The following GFRA1 variants were observed in gnomAD, a reference collection of about 807,000 sequenced individuals.
The protein encoded by GFRA1 is GDNF family receptor alpha 1.
In GFRA1, 16 loss-of-function variants were observed where a neutral mutation model predicts 51.6. That is an observed-to-expected ratio of 0.31 (90% confidence interval 0.21 to 0.47). The LOEUF is 0.47. GFRA1 is among the 20% of genes least tolerant of loss of function. The pLI, the probability that GFRA1 is intolerant of heterozygous loss-of-function variation, is 1.00. For synonymous variants in GFRA1, 270 were observed against 241.3 expected, an observed-to-expected ratio of 1.12 and a Z score of -1.10; for missense variants, 530 against 594.3, an observed-to-expected ratio of 0.89 and a Z score of 1.13.
At chr10:116,182,328 TAC>T (rs1298546143) in intron 5 of GFRA1, among the ~76,000 whole-genome samples, 1 of 152,174 alleles carries the variant, frequency 6.6e-6, no homozygotes, top group African/African-American at 2.4e-5. Flanking sequence ...CCAGAAACCA[TAC>T]AAAGAAAACA....
chr10:116,086,913 G>T (rs971136590), intron 9 of GFRA1, among the ~76,000 whole-genome samples: 2 of 152,210 alleles, frequency 1.3e-5, no homozygotes, highest in Admixed American at 6.5e-5. Flanking sequence ...CGCCTCCAGG[G>T]TTCAAGGGAT....
chr10:116,154,249 G>A lies in GFRA1; in HGVS notation c.434-28692C>T, dbSNP rs556160640. 1.2e-4 allele frequency among the ~76,000 whole-genome samples: 18 copies of A among 152,248 alleles called. No individual in the cohort carries two copies. The South Asian group carries it at 2.3e-3, about 19-fold the overall frequency. ...TTACTCAACAGGAATGTGTCTATAC[G>A]TTCACCAAAAGACACAAATGAGAAT... On this transcript the variant is annotated intron_variant, in intron 5 of 10. Transcript: ENST00000355422.
Position 116,081,069 on chromosome 10 carries a change from T to C in GFRA1, c.1197+8672A>G, listed in dbSNP as rs1167007181. On this transcript the variant is annotated intron_variant, in intron 9 of 10. Coordinates refer to ENST00000355422, the MANE Select transcript of GFRA1 (RefSeq NM_005264.8). ...CTGGTTCTGATCTGTACCCTGATAA[T>C]AAAGTTGTAATCTTAGGTCTTGTAG... 3.3e-5 allele frequency among the ~76,000 whole-genome samples: 5 copies of C among 152,312 alleles called. No individual in the cohort carries two copies. In the East Asian group the frequency reaches 9.6e-4, roughly 29 times the overall value.
At chr10:116,198,191 C>CT (rs1208621953) in intron 5 of GFRA1, among the ~76,000 whole-genome samples, 1 of 152,012 alleles carries the variant, frequency 6.6e-6, no homozygotes, top group Non-Finnish European at 1.5e-5. Context: ...CTCCCCAACG[C>CT]CCCCACACGA....
chr10:116,203,699 C>A (rs1964513366), intron 5 of GFRA1, among the ~76,000 whole-genome samples: 1 of 152,210 alleles, frequency 6.6e-6, no homozygotes, highest in South Asian at 2.1e-4. Flanking sequence ...CTCATAGAGA[C>A]TTAAAAGATG....
chr10:116,166,780 CTTTTTTTTTTTTTTTT>C (rs530399969), intron 5 of GFRA1, among the ~76,000 whole-genome samples: 12 of 76,382 alleles, frequency 1.6e-4, no homozygotes, highest in African/African-American at 3.5e-4. Flanking sequence ...CAACAATCTT[CTTTTTTTTTTTTTTTT>C]TTTTTTTTTT....
intron 4 of GFRA1, among the ~76,000 whole-genome samples, chr10:116,221,839 A>G (rs1290088079): frequency 2.0e-5 from 3 of 152,210 alleles, no homozygotes; most frequent in African/African-American, 7.2e-5. Context: ...GACTGCCTAG[A>G]TACACATTAA....
chr10:116,134,915 GCT>G (rs879330893), intron 5 of GFRA1, among the ~76,000 whole-genome samples: 15 of 152,180 alleles, frequency 9.9e-5, no homozygotes, highest in Non-Finnish European at 1.8e-4. Flanking sequence ...CAAGTCACAT[GCT>G]TGCTGCTGCG....
chr10:116,069,608 G>T (rs1228612077), intron 9 of GFRA1, among the ~76,000 whole-genome samples: 1 of 152,166 alleles, frequency 6.6e-6, no homozygotes, highest in Admixed American at 6.5e-5. Flanking sequence ...CTGTAATTGT[G>T]GGGGGACAGA....
At chr10:116,175,202 G>A (rs767638646) in intron 5 of GFRA1, among the ~76,000 whole-genome samples, 178 of 152,284 alleles carry the variant, frequency 1.2e-3, no homozygotes, top group Non-Finnish European at 1.6e-3. Flanking sequence ...CCAACACTGC[G>A]GCAGCCGGCA....
chr10:116,263,868 G>A (rs917306283), intron 4 of GFRA1, among the ~76,000 whole-genome samples: 1 of 152,196 alleles, frequency 6.6e-6, no homozygotes, highest in Admixed American at 6.5e-5. Context: ...ACTTGGTGAT[G>A]GGTCAGGCTG....
chr10:116,262,986 C>A (rs969637697), intron 4 of GFRA1, among the ~76,000 whole-genome samples: 1 of 152,102 alleles, frequency 6.6e-6, no homozygotes, highest in Non-Finnish European at 1.5e-5. Flanking sequence ...AACTCACTTC[C>A]GACCACAGAG....
At chr10:116,142,993 C>G (rs1482393416) in intron 5 of GFRA1, among the ~76,000 whole-genome samples, 2 of 152,180 alleles carry the variant, frequency 1.3e-5, no homozygotes, top group African/African-American at 4.8e-5. Context: ...CACAGGTCCA[C>G]TTCCCACTCT....
chr10:116,218,755 C>T (rs1288791842), intron 4 of GFRA1, among the ~76,000 whole-genome samples: 5 of 152,190 alleles, frequency 3.3e-5, no homozygotes, highest in African/African-American at 1.2e-4. Flanking sequence ...GAAGGCCTCA[C>T]TCCGCATCTC....
At chr10:116,147,393 G>A (rs984480528) in intron 5 of GFRA1, among the ~76,000 whole-genome samples, 5 of 152,122 alleles carry the variant, frequency 3.3e-5, no homozygotes, top group African/African-American at 1.2e-4. Context: ...ACAATTGGTT[G>A]GAGCTGGTGG....
intron 5 of GFRA1, among the ~76,000 whole-genome samples, chr10:116,172,940 A>G (rs539312852): frequency 6.6e-6 from 1 of 152,316 alleles, no homozygotes; most frequent in South Asian, 2.1e-4. Flanking sequence ...TGCTGCAGAC[A>G]CCCAGAGGTA....
At chr10:116,255,577 A>AT (rs1229384640) in intron 4 of GFRA1, 1 of 1,287,216 alleles carries the variant, frequency 7.8e-7, no homozygotes, top group Non-Finnish European at 1.0e-6. Context: ...TTCAGTATTA[A>AT]TTTTCTCTGC....
chr10:116,078,844 T>C (rs1332589900), intron 9 of GFRA1, among the ~76,000 whole-genome samples: 1 of 152,086 alleles, frequency 6.6e-6, no homozygotes, highest in Non-Finnish European at 1.5e-5. Context: ...GCCCAGGCAA[T>C]GGTATCCACG....
At chr10:116,202,332 A>G (rs1236560907) in intron 5 of GFRA1, among the ~76,000 whole-genome samples, 3 of 152,228 alleles carry the variant, frequency 2.0e-5, no homozygotes, top group African/African-American at 7.2e-5. Context: ...AAGCAAAAGC[A>G]GCAGTATATC....
Sources: allele counts gnomAD v4.1 joint callset (sites outside exome capture counted in the v4.1 genomes callset), GRCh38; gene constraint gnomAD v4.1.1; transcripts MANE v1.5; gene names NCBI Gene and HGNC (gene_info 2026-07-23, HGNC 2026-07-21).